The following ASCC3 variants were observed in gnomAD, a reference collection of about 807,000 sequenced individuals.
ASCC3 encodes activating signal cointegrator 1 complex subunit 3.
Under a neutral mutation model 256.3 loss-of-function variants are expected in ASCC3, and 158 were observed. The observed-to-expected ratio is 0.62, with a 90% CI of 0.54 to 0.70. The LOEUF is 0.70. ASCC3 is among the 30% of genes least tolerant of loss of function. The pLI, the probability that ASCC3 is intolerant of heterozygous loss-of-function variation, is 0.00. For synonymous variants in ASCC3, 948 were observed against 883.4 expected (o/e 1.07, Z -1.30); for missense variants, 2,259 against 2,626.0 (o/e 0.86, Z 3.05).
At chr6:100,869,904 G>A (rs1773652812) in intron 1 of ASCC3, among the ~76,000 whole-genome samples, 1 of 151,732 alleles carries the variant, frequency 6.6e-6, no homozygotes, top group Non-Finnish European at 1.5e-5. Context: ...ATTAGGAAGG[G>A]ATTAAAAAAA....
In ASCC3 at chr6:100,779,152, T is replaced by C. The variant is rs1001539613; in HGVS notation, c.1396-11807A>G. Among the ~76,000 whole-genome samples the C allele has an allele frequency of 2.0e-5, 3 of 152,170 alleles. No individual in the cohort carries two copies. The South Asian group carries it at 6.2e-4, about 32-fold the overall frequency. ...AGGAACAGTTAAGTAAATTATGATA[T>C]ACCTATTCAATGAAATAATATGCAT... On this transcript the variant is annotated intron_variant, in intron 8 of 41. Transcript: ENST00000369162.
intron 4 of ASCC3, among the ~76,000 whole-genome samples, chr6:100,846,675 C>T (rs1772400093): frequency 1.3e-5 from 2 of 152,148 alleles, no homozygotes; most frequent in South Asian, 4.1e-4. Flanking sequence ...AGTGTTCAAG[C>T]CTGAAATATG....
intron 14 of ASCC3, among the ~76,000 whole-genome samples, chr6:100,671,340 C>A (rs781122435): frequency 6.6e-6 from 1 of 151,940 alleles, no homozygotes; most frequent in Non-Finnish European, 1.5e-5. Context: ...CTACACGGAG[C>A]CCAGGTTTTG....
intron 33 of ASCC3, among the ~76,000 whole-genome samples, chr6:100,603,010 A>G (rs1772704091): frequency 6.6e-6 from 1 of 152,072 alleles, no homozygotes; most frequent in African/African-American, 2.4e-5. Flanking sequence ...CAAATTTGTA[A>G]TATCTATCTG....
intron 3 of ASCC3, chr6:100,859,114 T>TA (rs746169868): frequency 5.1e-6 from 4 of 779,832 alleles, no homozygotes; most frequent in Non-Finnish European, 9.6e-6. Flanking sequence ...TTTGTCATCT[T>TA]AGTCCTCTGA....
chr6:100,864,083 T>C lies in ASCC3; in HGVS notation c.222A>G (p.Leu74=). The change falls in exon 3 of 42, where the codon TTA becomes TTG. Residue 74 remains leucine, a synonymous_variant. Transcript: ENST00000369162. ...CTATACCTATCTGCTTTGCAGCATG[T>C]AATATATCTTTTAAGTCTTCATTTA... ...QSINEDLKDI[L]HAAKQIVGTD... 3 of 1,586,266 alleles carry C rather than the reference T, an allele frequency of 1.9e-6. No homozygotes were observed. Among genetic ancestry groups the C allele is most frequent in the Non-Finnish European group, 1.7e-6 (2 of 1,162,544 alleles).
intron 25 of ASCC3, among the ~76,000 whole-genome samples, chr6:100,631,553 T>C (rs1370071169): frequency 6.6e-6 from 1 of 151,830 alleles, no homozygotes; most frequent in Non-Finnish European, 1.5e-5. Context: ...AAACAAATTA[T>C]GAGATAATAC....
Position 100,809,365 on chromosome 6 carries a change from AT to A in ASCC3, c.802-3486del, listed in dbSNP as rs1458076763. ...CTATAAGCTTTTTTCTATTTTTAAA[AT>A]TTTTATTTTTTCAACTTGTTAATTA... On this transcript the variant is annotated intron_variant, in intron 4 of 41. Coordinates refer to ENST00000369162, the MANE Select transcript of ASCC3 (RefSeq NM_006828.4). Among the ~76,000 whole-genome samples, 4 of 151,982 alleles carry A rather than the reference AT, an allele frequency of 2.6e-5. No individual in the cohort carries two copies. In the East Asian group the frequency reaches 7.7e-4, roughly 29 times the overall value.
chr6:100,724,921 T>C (rs535220747), intron 11 of ASCC3, among the ~76,000 whole-genome samples: 14 of 152,128 alleles, frequency 9.2e-5, no homozygotes, highest in African/African-American at 3.1e-4. Context: ...TCACAGTCTA[T>C]GAACGTCTAC....
intron 32 of ASCC3, among the ~76,000 whole-genome samples, chr6:100,606,333 A>G (rs1396600110): frequency 6.6e-6 from 1 of 152,124 alleles, no homozygotes; most frequent in African/African-American, 2.4e-5. Context: ...TTGTAGCAAT[A>G]AACACTTTGG....
At chr6:100,585,725 T>C (rs1268063358) in intron 36 of ASCC3, among the ~76,000 whole-genome samples, 2 of 152,156 alleles carry the variant, frequency 1.3e-5, no homozygotes, top group Admixed American at 6.5e-5. Context: ...CTACTTTTGG[T>C]CTTTGATGAT....
intron 16 of ASCC3, among the ~76,000 whole-genome samples, chr6:100,659,655 A>G (rs1485725823): frequency 6.6e-6 from 1 of 151,484 alleles, no homozygotes; most frequent in Non-Finnish European, 1.5e-5. Flanking sequence ...GCTATTTTAC[A>G]GTCCCTAAGA....
chr6:100,712,982 T>A (rs748059100), intron 13 of ASCC3, among the ~76,000 whole-genome samples: 10 of 151,796 alleles, frequency 6.6e-5, no homozygotes, highest in Non-Finnish European at 1.0e-4. Flanking sequence ...ATGGTCTCCA[T>A]CTCCTGACCT....
intron 10 of ASCC3, 119 bp from the exon 11 acceptor site, chr6:100,725,822 G>A (rs1317176750): frequency 1.1e-6 from 1 of 933,110 alleles, no homozygotes; most frequent in African/African-American, 1.7e-5. Flanking sequence ...AAAGTGTTTA[G>A]AATAGCCTAG....
At chr6:100,789,376 C>T (rs796454750) in intron 8 of ASCC3, among the ~76,000 whole-genome samples, 21 of 151,974 alleles carry the variant, frequency 1.4e-4, no homozygotes, top group African/African-American at 5.1e-4. Flanking sequence ...ACTGAGGAGG[C>T]CAGTGCTTTT....
At chr6:100,868,501 C>T (rs1033356270) in intron 1 of ASCC3, among the ~76,000 whole-genome samples, 3 of 152,200 alleles carry the variant, frequency 2.0e-5, no homozygotes, top group African/African-American at 7.2e-5. Context: ...TAAGATGCAG[C>T]CTTTCCTGAC....
chr6:100,594,824 G>T (rs1198303875), intron 34 of ASCC3, among the ~76,000 whole-genome samples: 1 of 151,806 alleles, frequency 6.6e-6, no homozygotes, highest in Non-Finnish European at 1.5e-5. Context: ...TGAAAAATAT[G>T]GTGTATATAT....
intron 10 of ASCC3, among the ~76,000 whole-genome samples, chr6:100,759,543 A>G (rs2115113215): frequency 6.6e-6 from 1 of 151,680 alleles, no homozygotes; most frequent in South Asian, 2.1e-4. Flanking sequence ...GATGGTTGTA[A>G]ATGTGTGGTG....
At chr6:100,514,713 C>T (rs1386103783) in intron 39 of ASCC3, among the ~76,000 whole-genome samples, 1 of 152,022 alleles carries the variant, frequency 6.6e-6, no homozygotes, top group African/African-American at 2.4e-5. Context: ...GATTAATCTT[C>T]ATCTATTGAA....
Sources: gnomAD v4.1 joint callset for allele counts (sites outside exome capture counted in the v4.1 genomes callset) on GRCh38, gnomAD v4.1.1 for gene constraint, MANE v1.5 for transcripts, NCBI Gene and HGNC (gene_info 2026-07-23, HGNC 2026-07-21) for gene names.